Variants in DNAJC5 observed in about 807,000 individuals in gnomAD.
The protein encoded by DNAJC5 is DnaJ heat shock protein family (Hsp40) member C5.
Under a neutral mutation model 23.2 loss-of-function variants are expected in DNAJC5, and 1 was observed. That is an observed-to-expected ratio of 0.04 (90% confidence interval 0.02 to 0.20). The LOEUF is 0.20. DNAJC5 is among the 10% of genes least tolerant of loss of function. The probability of loss-of-function intolerance (pLI) is 1.00; values close to 1 mark genes in which losing one functional copy is unlikely to be tolerated. For synonymous variants in DNAJC5, 136 were observed against 120.0 expected, an observed-to-expected ratio of 1.13 and a Z score of -0.87; for missense variants, 180 against 267.0, an observed-to-expected ratio of 0.67 and a Z score of 2.27.
In DNAJC5 at chr20:63,931,268, C is replaced by G; in HGVS notation, c.494-197C>G. On this transcript the variant is annotated intron_variant, in intron 4 of 4. Transcript: ENST00000360864. The surrounding 1 kb of genome is among the most constrained non-coding windows in gnomAD (Gnocchi z 9.6). ...CTGCGAGGCGGGGCAGGGCGGCAGGCAGTTGGGGCGGGGCTGAGGGCCGAG... is the reference window on the plus strand; with the variant it reads ...CTGCGAGGCGGGGCAGGGCGGCAGGGAGTTGGGGCGGGGCTGAGGGCCGAG... 1.3e-6 allele frequency: 1 copy of G among 782,864 alleles called. No individual in the cohort carries two copies. The highest frequency in any genetic ancestry group is 2.0e-5 in the Admixed American group (1 of 49,548). 48.5% of individuals were successfully genotyped at this position (782,864 alleles called of 1,614,324 possible).
chr20:63,900,049 C>T (rs966106823), intron 1 of DNAJC5, among the ~76,000 whole-genome samples: 4 of 151,704 alleles, frequency 2.6e-5, no homozygotes, highest in African/African-American at 7.3e-5. Context: ...CCATGACACC[C>T]GGCTAATTTT....
chr20:63,927,378 A>T (rs2053624955), intron 1 of DNAJC5, among the ~76,000 whole-genome samples: 2 of 152,150 alleles, frequency 1.3e-5, no homozygotes, highest in Admixed American at 6.5e-5. Context: ...TCTACTAAAA[A>T]TACCAAAATT....
Position 63,931,632 on chromosome 20 carries a change from A to C in DNAJC5, c.*64A>C. On this transcript the variant is annotated 3_prime_UTR_variant, in exon 5 of 5. Coordinates refer to ENST00000360864, the MANE Select transcript of DNAJC5 (RefSeq NM_025219.3). The surrounding 1 kb of genome is among the most constrained non-coding windows in gnomAD (Gnocchi z 9.6). ...TGGCCACGCCAACCTTAGAATCATG[A>C]ACTGTAGTCACAGAGATGGGAAGGC... 1.4e-6 allele frequency: 2 copies of C among 1,465,018 alleles called. No homozygotes were observed. Among genetic ancestry groups the C allele is most frequent in the Non-Finnish European group, 1.8e-6 (2 of 1,081,176 alleles). 90.8% of individuals were successfully genotyped at this position (1,465,018 alleles called of 1,614,324 possible). A position where few individuals can be genotyped will look rare whatever the true frequency, so the allele number is the denominator to read the frequency against.
intron 1 of DNAJC5, among the ~76,000 whole-genome samples, chr20:63,915,461 C>G (rs1187672187): frequency 1.3e-5 from 2 of 150,790 alleles, no homozygotes; most frequent in African/African-American, 4.9e-5. Flanking sequence ...TCAAAAGACA[C>G]ACCATAATAA....
chr20:63,919,115 G>C (rs527281228), intron 1 of DNAJC5, among the ~76,000 whole-genome samples: 2 of 152,278 alleles, frequency 1.3e-5, no homozygotes, highest in South Asian at 4.1e-4. Context: ...AAGAACACAC[G>C]TATTTTATTT....
chr20:63,899,880 CTTTTTTT>C (rs1206952926), intron 1 of DNAJC5, among the ~76,000 whole-genome samples: 10 of 114,808 alleles, frequency 8.7e-5, no homozygotes, highest in Admixed American at 5.4e-4. Context: ...TGCGCCTGGG[CTTTTTTT>C]TTTTTTTTTT....
chr20:63,898,277 C>T (rs548731894), intron 1 of DNAJC5, among the ~76,000 whole-genome samples: 1 of 152,100 alleles, frequency 6.6e-6, no homozygotes, highest in Non-Finnish European at 1.5e-5. Context: ...GGCGGGGAGT[C>T]ATGATAAGGT....
At chr20:63,895,904 C>T (rs1047944749) in intron 1 of DNAJC5, among the ~76,000 whole-genome samples, 3 of 152,204 alleles carry the variant, frequency 2.0e-5, no homozygotes, top group Admixed American at 6.6e-5. Flanking sequence ...TTATATTGAA[C>T]TCTTAAGGAG....
intron 1 of DNAJC5, among the ~76,000 whole-genome samples, chr20:63,913,036 G>A (rs147358831): frequency 4.3e-4 from 34 of 79,064 alleles, no homozygotes; most frequent in African/African-American, 2.9e-3. Flanking sequence ...TATAGAATGA[G>A]CCAAGGGCAT....
At position 63,934,215 on chromosome 20, in the gene DNAJC5, T is replaced by G. The variant is rs2053698140; in HGVS notation, c.*2647T>G. On this transcript the variant is annotated 3_prime_UTR_variant, in exon 5 of 5. Transcript: ENST00000360864. ...AAGATCCTCCCGGGTTTTATTTCTC[T>G]CTTTCTTGAGTGGACTGTTTCCCTA... 1 of 151,898 alleles carries G rather than the reference T, an allele frequency of 6.6e-6. No individual in the cohort carries two copies. 9.4% of individuals were successfully genotyped at this position (151,898 alleles called of 1,614,324 possible).
intron 1 of DNAJC5, among the ~76,000 whole-genome samples, chr20:63,910,137 C>T (rs2053473524): frequency 6.6e-6 from 1 of 152,140 alleles, no homozygotes; most frequent in Non-Finnish European, 1.5e-5. Context: ...TGTTCTAGGC[C>T]CCCTTTGTAT....
In DNAJC5 at chr20:63,931,566, T is replaced by G; in HGVS notation, c.595T>G (p.Ter199GluextTer58). The G allele has an allele frequency of 6.4e-7, 1 of 1,562,584 alleles. No homozygotes were observed. Among genetic ancestry groups the G allele is most frequent in the Non-Finnish European group, 8.6e-7 (1 of 1,158,692 alleles). ...HPSYHTDGFN[*>E] ...CAGCTACCACACTGACGGGTTCAAC[T>G]AAATCCAGGAGGAGCTGTGGTCAGA... Residue 199 changes from the stop codon to glutamate (E), a stop_lost, in exon 5 of 5, where the codon TAA becomes GAA. Transcript: ENST00000360864. This position sits in a 1 kb window ranked among gnomAD's most constrained non-coding sequence, Gnocchi z 9.6.
chr20:63,908,965 G>A (rs573272205), intron 1 of DNAJC5: 2 of 151,786 alleles, frequency 1.3e-5, no homozygotes, highest in Admixed American at 6.6e-5. Flanking sequence ...ATACTTACCC[G>A]GCAGGGGAGA....
At position 63,931,810 on chromosome 20, in the gene DNAJC5, G is replaced by T; in HGVS notation, c.*242G>T. On this transcript the variant is annotated 3_prime_UTR_variant, in exon 5 of 5. Coordinates refer to ENST00000360864, the MANE Select transcript of DNAJC5 (RefSeq NM_025219.3). The surrounding 1 kb of genome is among the most constrained non-coding windows in gnomAD (Gnocchi z 9.6). Reference sequence around the variant, plus strand: ...TTCCCTTTTTTAATAGCATGTATGGGGTTCTGTTCCATGTCTGTGTTGTGG... The same window carrying T: ...TTCCCTTTTTTAATAGCATGTATGGTGTTCTGTTCCATGTCTGTGTTGTGG... 1 of 566,218 alleles carries T rather than the reference G, an allele frequency of 1.8e-6. No individual in the cohort carries two copies. The highest frequency in any genetic ancestry group is 3.2e-6 in the Non-Finnish European group (1 of 312,136). 35.1% of individuals were successfully genotyped at this position (566,218 alleles called of 1,614,324 possible).
chr20:63,898,368 T>C (rs2053387982), intron 1 of DNAJC5, among the ~76,000 whole-genome samples: 1 of 152,220 alleles, frequency 6.6e-6, no homozygotes. Context: ...TATGTAATGC[T>C]GCAGGTAAAC....
intron 1 of DNAJC5, among the ~76,000 whole-genome samples, chr20:63,910,563 G>A (rs961158597): frequency 6.6e-5 from 10 of 151,982 alleles, no homozygotes; most frequent in African/African-American, 1.2e-4. Flanking sequence ...AGTGATGTGC[G>A]CTTGGGACTG....
At chr20:63,917,617 G>T (rs192961388) in intron 1 of DNAJC5, among the ~76,000 whole-genome samples, 2 of 151,854 alleles carry the variant, frequency 1.3e-5, no homozygotes, top group East Asian at 3.9e-4. Context: ...GTGCAGTGGC[G>T]CGATCTCGGC....
chr20:63,910,683 T>TTTC (rs150230990), intron 1 of DNAJC5, among the ~76,000 whole-genome samples: 31,307 of 150,956 alleles, frequency 0.21, 4,971 homozygotes, highest in East Asian at 0.59. Context: ...TTTTTTTTTT[T>TTTC]TTTAATTGAG....
intron 1 of DNAJC5, among the ~76,000 whole-genome samples, chr20:63,898,667 C>A (rs922119153): frequency 6.6e-6 from 1 of 152,118 alleles, no homozygotes; most frequent in African/African-American, 2.4e-5. Flanking sequence ...CATGGTGAAA[C>A]CCTGTCTCTA....
Sources: gnomAD v4.1 joint callset for allele counts (sites outside exome capture counted in the v4.1 genomes callset) on GRCh38, gnomAD v4.1.1 for gene constraint, Gnocchi (gnomAD v3.1) non-coding constraint, MANE v1.5 for transcripts, NCBI Gene and HGNC (gene_info 2026-07-23, HGNC 2026-07-21) for gene names.